Variants in BPNT1 observed in about 807,000 individuals in gnomAD.
BPNT1 encodes 3'(2'), 5'-bisphosphate nucleotidase 1.
A neutral mutation model predicts 36.9 loss-of-function variants in BPNT1; 28 were observed. That is an observed-to-expected ratio of 0.76 (90% CI 0.56 to 1.04). The LOEUF (loss-of-function observed/expected upper bound fraction) is 1.04. BPNT1 is among the 50% of genes least tolerant of loss of function. The pLI is 0.00. For synonymous variants in BPNT1, 119 were observed against 130.9 expected, an observed-to-expected ratio of 0.91 and a Z score of 0.62; for missense variants, 313 against 372.9, an observed-to-expected ratio of 0.84 and a Z score of 1.32.
intron 4 of BPNT1, among the ~76,000 whole-genome samples, chr1:220,069,757 GAA>G (rs1489794867): frequency 1.3e-5 from 2 of 152,062 alleles, no homozygotes; most frequent in African/African-American, 4.8e-5. Context: ...CCAAAGTGGT[GAA>G]ACCCCATCTC....
intron 6 of BPNT1, among the ~76,000 whole-genome samples, chr1:220,064,398 T>C (rs545389854): frequency 1.4e-4 from 21 of 152,296 alleles, no homozygotes; most frequent in African/African-American, 5.1e-4. Flanking sequence ...TGTTAGGAAG[T>C]GCGCTTGGTA....
intron 2 of BPNT1, among the ~76,000 whole-genome samples, chr1:220,079,348 G>C (rs1311829631): frequency 6.6e-6 from 1 of 151,984 alleles, no homozygotes; most frequent in Non-Finnish European, 1.5e-5. Context: ...TGCCTCCCGG[G>C]TTCAAGCGAT....
At chr1:220,064,624 G>C (rs532287218) in intron 6 of BPNT1, among the ~76,000 whole-genome samples, 1 of 152,182 alleles carries the variant, frequency 6.6e-6, no homozygotes, top group African/African-American at 2.4e-5. Context: ...TGGGAAGAGG[G>C]GTGGTCCTAG....
intron 4 of BPNT1, among the ~76,000 whole-genome samples, chr1:220,072,598 A>G (rs1465608040): frequency 2.6e-5 from 4 of 152,154 alleles, no homozygotes; most frequent in African/African-American, 9.7e-5. Context: ...TACAGGTGTG[A>G]GCCACCATGC....
At chr1:220,069,260 T>C (rs1663826110) in intron 5 of BPNT1, 124 bp downstream of exon 5, 1 of 678,314 alleles carries the variant, frequency 1.5e-6, no homozygotes, top group Non-Finnish European at 2.4e-6. Flanking sequence ...CAAATATAGC[T>C]TTAGGGGTAA....
chr1:220,057,833 A>G lies in BPNT1; in HGVS notation c.*1011T>C. ...TTAATTGGAGTAGAAACGTTTTTAA[A>G]ATTACTGTGAAAAACAAGAGTGAGA... On this transcript the variant is annotated 3_prime_UTR_variant, in exon 9 of 9. Coordinates refer to ENST00000322067, the MANE Select transcript of BPNT1 (RefSeq NM_006085.6). 1.6e-6 allele frequency: 2 copies of G among 1,287,290 alleles called. No individual in the cohort carries two copies. The highest frequency in any genetic ancestry group is 2.0e-6 in the Non-Finnish European group (2 of 977,786). The allele number at this position is 1,287,290 out of a possible 1,614,324, so 79.7% of individuals were successfully genotyped here.
chr1:220,080,693 G>A (rs919334736), intron 1 of BPNT1, among the ~76,000 whole-genome samples: 7 of 152,152 alleles, frequency 4.6e-5, no homozygotes, highest in African/African-American at 9.7e-5. Context: ...TTGACACATG[G>A]GGATTATGAG....
intron 7 of BPNT1, among the ~76,000 whole-genome samples, chr1:220,060,576 T>G (rs1163741230): frequency 6.6e-6 from 1 of 152,138 alleles, no homozygotes; most frequent in East Asian, 1.9e-4. Context: ...TTGTAATAGA[T>G]CCTAACAGAT....
intron 1 of BPNT1, among the ~76,000 whole-genome samples, chr1:220,088,906 T>C (rs1001714730): frequency 1.3e-5 from 2 of 151,064 alleles, no homozygotes; most frequent in Non-Finnish European, 2.9e-5. Context: ...GAAACCATCC[T>C]GACTAACACG....
chr1:220,075,061 T>A (rs1226875303), intron 2 of BPNT1, among the ~76,000 whole-genome samples: 2 of 152,196 alleles, frequency 1.3e-5, no homozygotes, highest in Non-Finnish European at 2.9e-5. Flanking sequence ...TTGTTTGTTT[T>A]GAGACGGAGT....
At chr1:220,074,114 A>T (rs748695809) in intron 2 of BPNT1, 43 bp from the exon 3 acceptor site, 7 of 1,575,008 alleles carry the variant, frequency 4.4e-6, no homozygotes, top group Admixed American at 1.7e-5. Flanking sequence ...AATGAAAAAT[A>T]AGTTGTCCTC....
intron 6 of BPNT1, 174 bp downstream of exon 6, chr1:220,067,128 A>T (rs957230161): frequency 5.3e-6 from 1 of 187,706 alleles, no homozygotes; most frequent in African/African-American, 2.4e-5. Flanking sequence ...TAGCATAGCT[A>T]AAAAAAAAGT....
At chr1:220,071,508 G>A (rs143392019) in intron 4 of BPNT1, among the ~76,000 whole-genome samples, 28 of 152,200 alleles carry the variant, frequency 1.8e-4, no homozygotes, top group South Asian at 6.2e-4. Context: ...TCACTCTGCT[G>A]TCCAGGCTGT....
intron 6 of BPNT1, chr1:220,066,183 C>T: frequency 1.6e-6 from 2 of 1,214,240 alleles, no homozygotes; most frequent in Non-Finnish European, 2.2e-6. Context: ...AACTCCTAAG[C>T]ACTTAGATTT....
chr1:220,068,539 G>C (rs1025965120), intron 5 of BPNT1, among the ~76,000 whole-genome samples: 1 of 151,898 alleles, frequency 6.6e-6, no homozygotes, highest in African/African-American at 2.4e-5. Flanking sequence ...TACCAGGTGC[G>C]GTGGCTCACA....
chr1:220,084,541 T>G (rs1485949377), intron 1 of BPNT1, among the ~76,000 whole-genome samples: 2 of 152,164 alleles, frequency 1.3e-5, no homozygotes, highest in African/African-American at 2.4e-5. Flanking sequence ...TCAATTCCCA[T>G]GTTATATAAG....
Position 220,062,885 on chromosome 1 carries a change from G to C in BPNT1, c.544C>G (p.Leu182Val), listed in dbSNP as rs780357800. 1 of 1,614,128 alleles carries C rather than the reference G, an allele frequency of 6.2e-7. No homozygotes were observed. The highest frequency in any genetic ancestry group is 8.5e-7 in the Non-Finnish European group (1 of 1,180,010). Residue 182 changes from leucine (L) to valine (V), a missense_variant, in exon 7 of 9, where the codon CTG becomes GTG. Coordinates refer to ENST00000322067, the MANE Select transcript of BPNT1 (RefSeq NM_006085.6). Reference sequence around the variant, plus strand: ...TGTTTCCCAGCAGGGACTTCTTTCAGCTGAAACCCAAAGGCGCCTAAACCT... The same window carrying C: ...TGTTTCCCAGCAGGGACTTCTTTCACCTGAAACCCAAAGGCGCCTAAACCT... ...VLGLGAFGFQ[L>V]KEVPAGKHII...
At chr1:220,075,573 A>G (rs1664470008) in intron 2 of BPNT1, among the ~76,000 whole-genome samples, 1 of 152,206 alleles carries the variant, frequency 6.6e-6, no homozygotes, top group South Asian at 2.1e-4. Flanking sequence ...GTTGAGTTTG[A>G]AGATTAGTTA....
At chr1:220,069,509 A>T in intron 4 of BPNT1, 77 bp from the exon 5 acceptor site, 1 of 1,128,560 alleles carries the variant, frequency 8.9e-7, no homozygotes, top group Non-Finnish European at 1.3e-6. Flanking sequence ...ATAGATTAAA[A>T]TTACTCTTTT....
Sources: gnomAD v4.1 joint callset for allele counts (sites outside exome capture counted in the v4.1 genomes callset) on GRCh38, gnomAD v4.1.1 for gene constraint, MANE v1.5 for transcripts, NCBI Gene and HGNC (gene_info 2026-07-23, HGNC 2026-07-21) for gene names.